The following ENAH variants were observed in gnomAD, a reference collection of about 807,000 sequenced individuals.
ENAH encodes ENAH actin regulator.
Under a neutral mutation model 78.7 loss-of-function variants are expected in ENAH, and 23 were observed. The ratio of observed to expected loss-of-function variants is 0.29; its 90% CI spans 0.21 to 0.41. The LOEUF (loss-of-function observed/expected upper bound fraction) is 0.41, where lower values mean the gene tolerates loss of function less well. Among genes scored for constraint, ENAH ranks in the 10% least tolerant of loss-of-function variants. The pLI is 1.00. For missense variants in ENAH, 544 were observed against 691.0 expected, an observed-to-expected ratio of 0.79 and a Z score of 2.39; for synonymous variants, 226 against 241.0, an observed-to-expected ratio of 0.94 and a Z score of 0.58.
At position 225,490,783 on chromosome 1, in the gene ENAH, T is replaced by C. The variant is rs781605295; in HGVS notation, c.*6992A>G. On this transcript the variant is annotated 3_prime_UTR_variant, in exon 14 of 14. Coordinates refer to ENST00000366843, the MANE Select transcript of ENAH (RefSeq NM_018212.6). ...TCCTCAGATAAACTATAAGCTATTC[T>C]TCTCCTGGAAATTTAAGTGGCAAAG... The C allele has an allele frequency of 2.6e-5, 4 of 152,240 alleles. No individual in the cohort carries two copies. The highest frequency in any genetic ancestry group is 5.9e-5 in the Non-Finnish European group (4 of 68,048). The allele number at this position is 152,240 out of a possible 1,614,324, so 9.4% of individuals were successfully genotyped here. A position where few individuals can be genotyped will look rare whatever the true frequency, so the allele number is the denominator to read the frequency against.
At chr1:225,504,899 TG>T in intron 11 of ENAH, 1 of 878,802 alleles carries the variant, frequency 1.1e-6, no homozygotes, top group Non-Finnish European at 1.7e-6. Flanking sequence ...ATCTCCCTTG[TG>T]GTGATTACCA....
At chr1:225,497,900 G>T in intron 13 of ENAH, 88 bp from the exon 14 acceptor site, 4 of 1,160,658 alleles carry the variant, frequency 3.4e-6, no homozygotes, top group Non-Finnish European at 4.9e-6. Flanking sequence ...TTTAAGGATT[G>T]TGCTCAAACT....
intron 1 of ENAH, among the ~76,000 whole-genome samples, chr1:225,643,324 T>C (rs1661412816): frequency 6.6e-6 from 1 of 151,600 alleles, no homozygotes; most frequent in Non-Finnish European, 1.5e-5. Flanking sequence ...GGCAGTGAGA[T>C]GGACAGAAGC....
intron 1 of ENAH, among the ~76,000 whole-genome samples, chr1:225,570,254 G>A (rs1317649129): frequency 1.1e-4 from 16 of 151,944 alleles, no homozygotes; most frequent in Admixed American, 1.0e-3. Context: ...GCCTGCTAGG[G>A]TTTAGCGACA....
At chr1:225,574,326 C>A (rs553718156) in intron 1 of ENAH, among the ~76,000 whole-genome samples, 1 of 152,112 alleles carries the variant, frequency 6.6e-6, no homozygotes, top group Non-Finnish European at 1.5e-5. Flanking sequence ...GTGGGCCAGG[C>A]GCGGTGGCTC....
chr1:225,615,587 TG>T (rs1425440515), intron 1 of ENAH, among the ~76,000 whole-genome samples: 1 of 151,724 alleles, frequency 6.6e-6, no homozygotes, highest in African/African-American at 2.4e-5. Flanking sequence ...CCAGCCCGTC[TG>T]GGAAGTGAGG....
At chr1:225,500,381 ATT>A (rs531287626) in intron 12 of ENAH, among the ~76,000 whole-genome samples, 3 of 152,280 alleles carry the variant, frequency 2.0e-5, no homozygotes, top group African/African-American at 7.2e-5. Context: ...AACTGTACAC[ATT>A]TGTTTTGTTA....
chr1:225,629,048 G>A (rs1201906982), intron 1 of ENAH, among the ~76,000 whole-genome samples: 2 of 152,052 alleles, frequency 1.3e-5, no homozygotes, highest in Non-Finnish European at 2.9e-5. Flanking sequence ...GGGAGGCCGA[G>A]GCGGGCAGAT....
chr1:225,546,902 C>T (rs2096616715), intron 3 of ENAH, among the ~76,000 whole-genome samples: 1 of 152,162 alleles, frequency 6.6e-6, no homozygotes, highest in African/African-American at 2.4e-5. Context: ...GACTGAGGCT[C>T]ACAGTGAAAC....
At chr1:225,580,864 G>A (rs1044921037) in intron 1 of ENAH, among the ~76,000 whole-genome samples, 2 of 138,214 alleles carry the variant, frequency 1.4e-5, no homozygotes, top group East Asian at 2.2e-4. Flanking sequence ...TCGCATCACT[G>A]TACTCCAGCC....
chr1:225,648,330 C>T (rs1662350802), intron 1 of ENAH, among the ~76,000 whole-genome samples: 1 of 152,168 alleles, frequency 6.6e-6, no homozygotes, highest in Non-Finnish European at 1.5e-5. Flanking sequence ...ATGATACAGA[C>T]TAGATATTTT....
intron 1 of ENAH, among the ~76,000 whole-genome samples, chr1:225,572,755 T>C (rs747551117): frequency 1.3e-5 from 2 of 152,336 alleles, no homozygotes; most frequent in African/African-American, 2.4e-5. Context: ...AAAGATTAAA[T>C]TAGTAAATTA....
intron 1 of ENAH, among the ~76,000 whole-genome samples, chr1:225,599,491 C>A (rs1040700411): frequency 6.6e-6 from 1 of 151,990 alleles, no homozygotes. Context: ...GGATGTTTGT[C>A]CCCTCCAAAT....
intron 1 of ENAH, among the ~76,000 whole-genome samples, chr1:225,593,265 C>T (rs1043347490): frequency 5.3e-5 from 8 of 152,074 alleles, no homozygotes; most frequent in African/African-American, 1.9e-4. Context: ...ATTCACCCCA[C>T]TACACTGCCT....
chr1:225,593,694 G>A (rs1434902892), intron 1 of ENAH, among the ~76,000 whole-genome samples: 1 of 152,142 alleles, frequency 6.6e-6, no homozygotes, highest in Non-Finnish European at 1.5e-5. Context: ...GAGAATTACT[G>A]GCCGTAATCT....
At chr1:225,520,837 C>T (rs941962962) in intron 4 of ENAH, among the ~76,000 whole-genome samples, 1 of 150,964 alleles carries the variant, frequency 6.6e-6, no homozygotes, top group African/African-American at 2.4e-5. Flanking sequence ...GCCCAGGCAA[C>T]AGAATGACAC....
At chr1:225,623,175 A>G (rs368297698) in intron 1 of ENAH, among the ~76,000 whole-genome samples, 13 of 152,232 alleles carry the variant, frequency 8.5e-5, no homozygotes, top group African/African-American at 2.9e-4. Context: ...ACAGGCTTAG[A>G]GAAAAATAAA....
chr1:225,556,571 T>A (rs2096667984), intron 2 of ENAH, among the ~76,000 whole-genome samples: 1 of 152,184 alleles, frequency 6.6e-6, no homozygotes, highest in Admixed American at 6.5e-5. Context: ...GCCCTTTATA[T>A]ATTCTAGATA....
At chr1:225,503,672 A>AAAAC (rs1553413062) in intron 11 of ENAH, among the ~76,000 whole-genome samples, 1 of 150,000 alleles carries the variant, frequency 6.7e-6, no homozygotes, top group Non-Finnish European at 1.5e-5. Context: ...AAAAAAAAAA[A>AAAAC]AAAAAACACA....
Sources: allele counts gnomAD v4.1 joint callset (sites outside exome capture counted in the v4.1 genomes callset), GRCh38; gene constraint gnomAD v4.1.1; transcripts MANE v1.5; gene names NCBI Gene and HGNC (gene_info 2026-07-23, HGNC 2026-07-21).